Variants in RTL4 observed in about 807,000 individuals in gnomAD.
The protein encoded by RTL4 is retrotransposon Gag-like protein 4.
RTL4 carries 4 observed loss-of-function variants against 5.3 expected under a neutral mutation model. That is an observed-to-expected ratio of 0.75 (90% confidence interval 0.37 to 1.72). The LOEUF is 1.72. Among genes scored for constraint, RTL4 ranks in the 40% most tolerant of loss-of-function variants. RTL4 has a pLI of 0.04. For synonymous variants in RTL4, 98 were observed against 87.3 expected, an observed-to-expected ratio of 1.12 and a Z score of -0.68; for missense variants, 260 against 227.1, an observed-to-expected ratio of 1.14 and a Z score of -0.93.
At chrX:112,329,530 C>A in the RTL4 span, among the ~76,000 whole-genome samples, 1 of 110,535 alleles carries the variant, frequency 9.0e-6, no homozygotes, top group Admixed American at 9.6e-5. Context: ...GCTTACCAAC[C>A]AAAATGAGTC....
the RTL4 span, among the ~76,000 whole-genome samples, chrX:112,368,243 T>C: frequency 9.0e-6 from 1 of 111,176 alleles, no homozygotes; most frequent in East Asian, 2.9e-4. Flanking sequence ...AGTGGGTGTG[T>C]TAGTGAAGAG....
the RTL4 span, among the ~76,000 whole-genome samples, chrX:112,218,695 T>A: frequency 5.0e-4 from 56 of 111,486 alleles, no homozygotes; most frequent in Admixed American, 2.1e-3. Flanking sequence ...ATTTGGTTTT[T>A]CAATAGCCCG....
At chrX:112,221,398 G>C in the RTL4 span, among the ~76,000 whole-genome samples, 1 of 111,171 alleles carries the variant, frequency 9.0e-6, no homozygotes, top group Non-Finnish European at 1.9e-5. Flanking sequence ...TAACTGAACA[G>C]TTCAGGGAGG....
chrX:112,421,542 G>T, the RTL4 span, among the ~76,000 whole-genome samples: 1 of 111,759 alleles, frequency 8.9e-6, no homozygotes, highest in African/African-American at 3.3e-5. Context: ...AGATTTTTAT[G>T]TCACTGAAAC....
At chrX:112,178,023 C>T in the RTL4 span, among the ~76,000 whole-genome samples, 1 of 109,365 alleles carries the variant, frequency 9.1e-6, no homozygotes, top group Non-Finnish European at 1.9e-5. Flanking sequence ...AGTTTGTCAA[C>T]CCCCAGTCTA....
chrX:112,436,087 T>A, the RTL4 span, among the ~76,000 whole-genome samples: 7 of 111,043 alleles, frequency 6.3e-5, no homozygotes, highest in African/African-American at 2.3e-4. Context: ...CATGGTGGTG[T>A]ATGCCTGTAA....
the RTL4 span, among the ~76,000 whole-genome samples, chrX:112,369,455 ACTGT>A: frequency 0.015 from 1,660 of 110,834 alleles, 35 homozygotes; most frequent in African/African-American, 0.052. Flanking sequence ...ATCCTTCATA[ACTGT>A]CTGGGCAGTG....
chrX:112,343,759 G>A, the RTL4 span, among the ~76,000 whole-genome samples: 8 of 111,943 alleles, frequency 7.1e-5, no homozygotes, highest in African/African-American at 2.6e-4. Flanking sequence ...AGGAATATTA[G>A]TTTGGAAAAC....
chrX:112,326,721 A>C, the RTL4 span, among the ~76,000 whole-genome samples: 1 of 112,088 alleles, frequency 8.9e-6, no homozygotes, highest in Non-Finnish European at 1.9e-5. Flanking sequence ...ACAAACAAAA[A>C]GACAGCAGTA....
chrX:112,088,990 G>A, the RTL4 span, among the ~76,000 whole-genome samples: 1 of 111,395 alleles, frequency 9.0e-6, no homozygotes, highest in Non-Finnish European at 1.9e-5. Context: ...TCTAAATATT[G>A]CAAATATTTT....
the RTL4 span, among the ~76,000 whole-genome samples, chrX:112,202,537 CATTATTATTATTATTATT>C: frequency 1.0e-5 from 1 of 97,157 alleles, no homozygotes; most frequent in African/African-American, 3.8e-5. Context: ...TAGTTTTATT[CATTATTATTATTATTATT>C]ATTATTATTA....
the RTL4 span, among the ~76,000 whole-genome samples, chrX:112,090,713 C>T: frequency 9.0e-6 from 1 of 110,710 alleles, no homozygotes; most frequent in Admixed American, 9.6e-5. Context: ...AGTTTTGTTT[C>T]TTGTGCTATC....
chrX:112,313,065 C>G, the RTL4 span, among the ~76,000 whole-genome samples: 1 of 110,889 alleles, frequency 9.0e-6, no homozygotes, highest in Non-Finnish European at 1.9e-5. Context: ...ATTGCAAACA[C>G]TTATTAATTA....
At chrX:112,277,928 A>G in the RTL4 span, among the ~76,000 whole-genome samples, 1 of 112,048 alleles carries the variant, frequency 8.9e-6, no homozygotes, top group Non-Finnish European at 1.9e-5. Flanking sequence ...AAGTTGAAGT[A>G]AGGCTAAAAA....
the RTL4 span, among the ~76,000 whole-genome samples, chrX:112,439,661 T>C: frequency 2.7e-5 from 3 of 112,051 alleles, no homozygotes; most frequent in Admixed American, 9.5e-5. Flanking sequence ...AGGTGTTAGG[T>C]CATGGGGATG....
the RTL4 span, among the ~76,000 whole-genome samples, chrX:112,350,347 A>C: frequency 0.18 from 18,318 of 104,276 alleles, 1,424 homozygotes; most frequent in Admixed American, 0.26. Flanking sequence ...TGTCTCTGCC[A>C]GGCTTTGGTA....
the RTL4 span, among the ~76,000 whole-genome samples, chrX:112,182,754 A>C: frequency 0.032 from 3,543 of 112,263 alleles, 153 homozygotes; most frequent in African/African-American, 0.11. Flanking sequence ...TCAGGATATT[A>C]TCCAGAACTT....
At chrX:112,318,840 C>G in the RTL4 span, among the ~76,000 whole-genome samples, 2 of 111,292 alleles carry the variant, frequency 1.8e-5, no homozygotes, top group South Asian at 3.8e-4. Flanking sequence ...AACTTTCAAG[C>G]CCTGGGTTAT....
chrX:112,157,064 T>G, the RTL4 span, among the ~76,000 whole-genome samples: 6 of 96,586 alleles, frequency 6.2e-5, no homozygotes, highest in South Asian at 5.0e-4. Flanking sequence ...GTTATACTGT[T>G]TGTGTGTGTG....
Sources: gnomAD v4.1 joint callset for allele counts (sites outside exome capture counted in the v4.1 genomes callset) on GRCh38, gnomAD v4.1.1 for gene constraint, MANE v1.5 for transcripts, NCBI Gene and HGNC (gene_info 2026-07-23, HGNC 2026-07-21) for gene names.